TAF1: variants seen among roughly 807,000 people sequenced by gnomAD.
TAF1 encodes the protein TATA-box binding protein associated factor 1, also known as transcription initiation factor TFIID subunit 1.
TAF1 carries 2 observed loss-of-function variants against 138.5 expected under a neutral mutation model. That is an observed-to-expected ratio of 0.01 (90% confidence interval 0.01 to 0.05). The LOEUF (loss-of-function observed/expected upper bound fraction) is 0.05. Ranked by LOEUF, TAF1 falls within the 10% of genes least tolerant of loss-of-function variation. TAF1 has a pLI of 1.00. For synonymous variants in TAF1, 437 were observed against 503.2 expected, an observed-to-expected ratio of 0.87 and a Z score of 1.76; for missense variants, 709 against 1,478.0, an observed-to-expected ratio of 0.48 and a Z score of 8.53.
intron 32 of TAF1, among the ~76,000 whole-genome samples, chrX:71,443,626 C>T (rs770451151): frequency 8.9e-6 from 1 of 112,175 alleles, no homozygotes; most frequent in Non-Finnish European, 1.9e-5. Context: ...AATTTGACTT[C>T]CTCTTTTCCT....
rs1449672932 is a variant in TAF1 at position 71,464,970 on chromosome X, C to T, written c.*924C>T. On this transcript the variant is annotated 3_prime_UTR_variant, in exon 38 of 38. Coordinates refer to ENST00000423759, the MANE Select transcript of TAF1 (RefSeq NM_004606.5). ...TGTTGCCACCTAAATGTTTTCTGTC[C>T]CCCCCACCCTCCCCAGGGGAAATGG... is the stretch of plus-strand genomic sequence containing the variant. The T allele has an allele frequency of 1.9e-5, 2 of 106,857 alleles. No homozygotes were observed. Among genetic ancestry groups the T allele is most frequent in the East Asian group, 6.3e-4 (2 of 3,187 alleles). The allele number at this position is 106,857 out of a possible 1,213,427, so 8.8% of individuals were successfully genotyped here.
At chrX:71,367,929 C>A (rs771870439) in intron 2 of TAF1, 125 bp from the exon 3 acceptor site, 86 of 764,233 alleles carry the variant, frequency 1.1e-4, no homozygotes, top group Non-Finnish European at 1.6e-4. Flanking sequence ...GCTTGGCCTT[C>A]CAAAGTGCTG....
At chrX:71,498,817 C>T (rs2039443414) in intron 13 of TAF1, among the ~76,000 whole-genome samples, 1 of 111,776 alleles carries the variant, frequency 8.9e-6, no homozygotes, top group African/African-American at 3.3e-5. Context: ...AGCAAAGTCT[C>T]CCAATTACAA....
At chrX:71,418,917 G>A (rs2036178942) in intron 28 of TAF1, among the ~76,000 whole-genome samples, 1 of 110,544 alleles carries the variant, frequency 9.0e-6, no homozygotes, top group African/African-American at 3.3e-5. Flanking sequence ...ACAGGCATGC[G>A]CCACCATACC....
intron 37 of TAF1, among the ~76,000 whole-genome samples, chrX:71,461,150 G>A (rs1229625535): frequency 1.8e-5 from 2 of 110,869 alleles, no homozygotes; most frequent in African/African-American, 6.6e-5. Context: ...ATTTGAATTG[G>A]GCCTTAAAAG....
At chrX:71,444,087 A>G (rs1035532292) in intron 32 of TAF1, among the ~76,000 whole-genome samples, 8 of 110,809 alleles carry the variant, frequency 7.2e-5, no homozygotes, top group Non-Finnish European at 1.3e-4. Flanking sequence ...GGCTCACTGT[A>G]ACCTTCGCCT....
intron 28 of TAF1, among the ~76,000 whole-genome samples, chrX:71,419,653 T>C (rs910310238): frequency 1.7e-4 from 19 of 111,234 alleles, no homozygotes; most frequent in Non-Finnish European, 3.8e-5. Flanking sequence ...GAGAGGACTG[T>C]GAAAGGTTAG....
intron 32 of TAF1, among the ~76,000 whole-genome samples, chrX:71,451,629 C>T (rs915942718): frequency 3.6e-5 from 4 of 109,849 alleles, no homozygotes; most frequent in African/African-American, 1.3e-4. Flanking sequence ...TGCGGCCTTC[C>T]GCAGTGTTTG....
intron 13 of TAF1, among the ~76,000 whole-genome samples, chrX:71,519,519 T>G (rs2039889140): frequency 9.5e-6 from 1 of 105,600 alleles, no homozygotes. Context: ...GGCGGGCGCC[T>G]GTAGTCCCAG....
chrX:71,399,699 G>T, intron 24 of TAF1, among the ~76,000 whole-genome samples: 1 of 106,920 alleles, frequency 9.4e-6, no homozygotes, highest in Non-Finnish European at 1.9e-5. Context: ...AGCCTCCCAA[G>T]TAGCTGTGCT....
chrX:71,524,467 T>A (rs2039959643), intron 13 of TAF1, among the ~76,000 whole-genome samples: 1 of 111,441 alleles, frequency 9.0e-6, no homozygotes, highest in Non-Finnish European at 1.9e-5. Context: ...ATTAAGTACC[T>A]TTTCCCCTTT....
At chrX:71,371,189 A>G (rs2033032790) in intron 3 of TAF1, among the ~76,000 whole-genome samples, 1 of 111,909 alleles carries the variant, frequency 8.9e-6, no homozygotes, top group African/African-American at 3.2e-5. Flanking sequence ...GGAGGATGCT[A>G]CATTTGACAG....
chrX:71,476,151 C>T (rs1278365549), intron 13 of TAF1, among the ~76,000 whole-genome samples: 2 of 111,821 alleles, frequency 1.8e-5, no homozygotes, highest in African/African-American at 6.5e-5. Context: ...GTGACACAAA[C>T]GGACTAACAC....
At chrX:71,495,217 C>A (rs1367427123) in intron 13 of TAF1, among the ~76,000 whole-genome samples, 3 of 111,832 alleles carry the variant, frequency 2.7e-5, no homozygotes, top group Non-Finnish European at 5.6e-5. Context: ...ACTCTTTAGG[C>A]CAAAGGGCCA....
chrX:71,377,972 T>C, intron 6 of TAF1, 151 bp downstream of exon 6: 1 of 755,741 alleles, frequency 1.3e-6, no homozygotes, highest in East Asian at 3.5e-5. Context: ...TCAATCTCAG[T>C]GGCTGCCCCT....
Position 71,399,945 on chromosome X carries a change from TG to T in TAF1, c.3786+1210del, listed in dbSNP as rs750877519. Reference sequence around the variant, plus strand: ...TGGGGTTTCACCATGTTGGCCAGGCTGGACTTGAACTCCTGACCTCAGGTGA... The same window carrying T: ...TGGGGTTTCACCATGTTGGCCAGGCTGACTTGAACTCCTGACCTCAGGTGA... On this transcript the variant is annotated intron_variant, in intron 24 of 37. Coordinates refer to ENST00000423759, the MANE Select transcript of TAF1 (RefSeq NM_004606.5). 1.4e-4 allele frequency among the ~76,000 whole-genome samples: 15 copies of T among 110,079 alleles called. No individual in the cohort carries two copies. The South Asian group carries it at 5.8e-3, about 42-fold the overall frequency.
chrX:71,508,086 C>CTCTCTCTATATATATATATA (rs4040068), intron 13 of TAF1, among the ~76,000 whole-genome samples: 13 of 92,169 alleles, frequency 1.4e-4, no homozygotes, highest in African/African-American at 5.6e-4. Flanking sequence ...CTCTCTCTCT[C>CTCTCTCTATATATATATATA]TATATATATA....
At chrX:71,380,587 TAAAG>T (rs944451044) in intron 8 of TAF1, among the ~76,000 whole-genome samples, 2 of 110,015 alleles carry the variant, frequency 1.8e-5, no homozygotes, top group African/African-American at 3.3e-5. Flanking sequence ...TAAATGGAAA[TAAAG>T]AAGATATGAA....
At chrX:71,403,354 A>G (rs1372260671) in intron 25 of TAF1, among the ~76,000 whole-genome samples, 1 of 111,788 alleles carries the variant, frequency 8.9e-6, no homozygotes, top group Non-Finnish European at 1.9e-5. Context: ...ATGACATTGA[A>G]TTTTTTGAAG....
Sources: gnomAD v4.1 joint callset for allele counts (sites outside exome capture counted in the v4.1 genomes callset) on GRCh38, gnomAD v4.1.1 for gene constraint, MANE v1.5 for transcripts, NCBI Gene and HGNC (gene_info 2026-07-23, HGNC 2026-07-21) for gene names.